The following MAN2A1 variants were observed in gnomAD, a reference collection of about 807,000 sequenced individuals.
The protein encoded by MAN2A1 is mannosidase alpha class 2A member 1.
In MAN2A1, 76 loss-of-function variants were observed where a neutral mutation model predicts 142.6. The observed-to-expected ratio is 0.53, with a 90% CI of 0.44 to 0.65. The LOEUF is 0.65. MAN2A1 is among the 30% of genes least tolerant of loss of function. MAN2A1 has a pLI of 0.00. For missense variants in MAN2A1, 1,311 were observed against 1,365.1 expected (o/e 0.96, Z 0.62); for synonymous variants, 559 against 473.2 (o/e 1.18, Z -2.35).
intron 4 of MAN2A1, among the ~76,000 whole-genome samples, chr5:109,733,528 T>TA (rs1751986085): frequency 6.6e-6 from 1 of 152,222 alleles, no homozygotes; most frequent in African/African-American, 2.4e-5. Flanking sequence ...TATTTTGAGA[T>TA]ACGTCCCATC....
intron 13 of MAN2A1, 31 bp downstream of exon 13, chr5:109,817,469 A>AT: frequency 6.2e-7 from 1 of 1,606,454 alleles, no homozygotes; most frequent in Non-Finnish European, 8.5e-7. Flanking sequence ...TTAAGGAGGC[A>AT]TTGTAAAACA....
intron 1 of MAN2A1, among the ~76,000 whole-genome samples, chr5:109,705,685 G>A (rs1751110668): frequency 6.6e-6 from 1 of 152,208 alleles, no homozygotes; most frequent in South Asian, 2.1e-4. Context: ...TTATCATACA[G>A]ATCTTTAGGT....
In MAN2A1 at chr5:109,789,490, C is replaced by A; in HGVS notation, c.1906C>A (p.Pro636Thr). ...GAAACAAAAATCACAAGATTCTCTG[C>A]CACAAAAAAATATAATAAGGCTGAG... is the stretch of plus-strand genomic sequence containing the variant. ...DLKQKSQDSL[P>T]QKNIIRLSAE... The change falls in exon 12 of 22, where the codon CCA (proline) becomes ACA (threonine). Residue 636 changes from proline to threonine, a missense_variant. By Grantham distance (38) the Pro-to-Thr change is conservative (BLOSUM62 -1). This residue lies in a region of MAN2A1 where 890 missense variants were observed against 920.5 expected (regional missense o/e 0.97). Coordinates refer to ENST00000261483, the MANE Select transcript of MAN2A1 (RefSeq NM_002372.4). 1.3e-6 allele frequency: 2 copies of A among 1,588,412 alleles called. No individual in the cohort carries two copies. Among genetic ancestry groups the A allele is most frequent in the Admixed American group, 1.7e-5 (1 of 57,448 alleles).
chr5:109,816,607 G>C (rs1461266645), intron 12 of MAN2A1, among the ~76,000 whole-genome samples: 1 of 151,906 alleles, frequency 6.6e-6, no homozygotes, highest in Non-Finnish European at 1.5e-5. Flanking sequence ...CATTCTTAGT[G>C]GTCTAAAATG....
At position 109,794,324 on chromosome 5, in the gene MAN2A1, A is replaced by G. The variant is rs1753807908; in HGVS notation, c.1943+4797A>G. On this transcript the variant is annotated intron_variant, in intron 12 of 21. Transcript: ENST00000261483. Reference sequence around the variant, plus strand: ...GGAGATGGAAGTGTTAGCTGCGATAATTAGTCCAGGAACTGTCCTTAATAG... The same window carrying G: ...GGAGATGGAAGTGTTAGCTGCGATAGTTAGTCCAGGAACTGTCCTTAATAG... 3 of 152,196 alleles carry G rather than the reference A, an allele frequency of 2.0e-5. No individual in the cohort carries two copies. The South Asian group carries it at 6.2e-4, about 32-fold the overall frequency. 9.4% of individuals were successfully genotyped at this position (152,196 alleles called of 1,614,324 possible).
At chr5:109,834,395 C>G (rs1755007307) in intron 16 of MAN2A1, among the ~76,000 whole-genome samples, 2 of 151,680 alleles carry the variant, frequency 1.3e-5, no homozygotes, top group African/African-American at 4.9e-5. Context: ...CAAAACAGAG[C>G]TTCCAAAAAA....
intron 4 of MAN2A1, among the ~76,000 whole-genome samples, chr5:109,745,929 T>A (rs1241738210): frequency 1.3e-5 from 2 of 152,220 alleles, no homozygotes; most frequent in African/African-American, 2.4e-5. Flanking sequence ...AAGACATTTT[T>A]AAATAAATTT....
intron 7 of MAN2A1, among the ~76,000 whole-genome samples, chr5:109,771,097 C>CA (rs923170913): frequency 1.3e-5 from 2 of 151,992 alleles, no homozygotes; most frequent in Non-Finnish European, 2.9e-5. Flanking sequence ...AAATAAAAAT[C>CA]AAAGGTATGA....
chr5:109,736,975 T>C (rs1433625629), intron 4 of MAN2A1, among the ~76,000 whole-genome samples: 1 of 152,190 alleles, frequency 6.6e-6, no homozygotes, highest in Non-Finnish European at 1.5e-5. Flanking sequence ...TGTTTTCTTT[T>C]TGACTTAGGT....
chr5:109,703,713 A>T (rs111241374), intron 1 of MAN2A1, among the ~76,000 whole-genome samples: 2,826 of 152,374 alleles, frequency 0.019, 34 homozygotes, highest in Middle Eastern at 0.071. Context: ...ACTTAATTGC[A>T]GTTATTAAAT....
chr5:109,775,408 A>G (rs1301096798), intron 8 of MAN2A1, among the ~76,000 whole-genome samples: 2 of 152,190 alleles, frequency 1.3e-5, no homozygotes, highest in African/African-American at 2.4e-5. Flanking sequence ...TCCTATGTCC[A>G]GAGAATACAC....
intron 12 of MAN2A1, among the ~76,000 whole-genome samples, chr5:109,793,726 T>C (rs965274694): frequency 1.1e-4 from 16 of 152,208 alleles, no homozygotes; most frequent in African/African-American, 3.1e-4. Flanking sequence ...TCAGCATCAT[T>C]GCATTCTTAC....
intron 16 of MAN2A1, among the ~76,000 whole-genome samples, chr5:109,832,233 G>T (rs539360955): frequency 7.2e-6 from 1 of 139,446 alleles, no homozygotes; most frequent in Admixed American, 7.7e-5. Flanking sequence ...GGGGGATTTG[G>T]CAGGGTCATA....
intron 12 of MAN2A1, among the ~76,000 whole-genome samples, chr5:109,799,320 C>G (rs1288991781): frequency 1.3e-5 from 2 of 152,204 alleles, no homozygotes; most frequent in African/African-American, 4.8e-5. Context: ...TCATCTCTTG[C>G]ATCAGCTCAG....
intron 16 of MAN2A1, among the ~76,000 whole-genome samples, chr5:109,837,969 A>G (rs1250966410): frequency 3.3e-5 from 5 of 152,060 alleles, no homozygotes; most frequent in Admixed American, 6.5e-5. Flanking sequence ...AGTACTTACC[A>G]TGTACCCCAA....
At chr5:109,692,117 G>A (rs1750688408) in intron 1 of MAN2A1, among the ~76,000 whole-genome samples, 3 of 152,142 alleles carry the variant, frequency 2.0e-5, no homozygotes, top group Non-Finnish European at 4.4e-5. Flanking sequence ...ATCTGGACCT[G>A]GGTTTTCTGG....
chr5:109,848,988 A>G (rs1343067079), intron 19 of MAN2A1, among the ~76,000 whole-genome samples: 6 of 152,200 alleles, frequency 3.9e-5, no homozygotes, highest in Admixed American at 1.3e-4. Flanking sequence ...GATCCAGTGC[A>G]TATTGACTTT....
chr5:109,815,137 C>T (rs1754418554), intron 12 of MAN2A1, among the ~76,000 whole-genome samples: 1 of 152,118 alleles, frequency 6.6e-6, no homozygotes, highest in Non-Finnish European at 1.5e-5. Context: ...CCCCATTGCA[C>T]CTTAGAAATA....
At chr5:109,747,573 AG>A (rs1249114554) in intron 4 of MAN2A1, among the ~76,000 whole-genome samples, 4 of 152,138 alleles carry the variant, frequency 2.6e-5, no homozygotes, top group Non-Finnish European at 5.9e-5. Context: ...TTTTATACAA[AG>A]GTAACAAAGA....
Sources: allele counts gnomAD v4.1 joint callset (sites outside exome capture counted in the v4.1 genomes callset), GRCh38; gene constraint gnomAD v4.1.1; regional missense constraint gnomAD v4.1.1; transcripts MANE v1.5; gene names NCBI Gene and HGNC (gene_info 2026-07-23, HGNC 2026-07-21).